DGKQ: variants seen among roughly 807,000 people sequenced by gnomAD.
The protein encoded by DGKQ is diacylglycerol kinase theta.
DGKQ carries 97 observed loss-of-function variants against 104.2 expected under a neutral mutation model. That is an observed-to-expected ratio of 0.93 (90% CI 0.79 to 1.10). The LOEUF (loss-of-function observed/expected upper bound fraction) is 1.10. Among genes scored for constraint, DGKQ ranks in the 50% least tolerant of loss-of-function variants. The probability of loss-of-function intolerance (pLI) is 0.00; values close to 1 mark genes in which losing one functional copy is unlikely to be tolerated. For synonymous variants in DGKQ, 736 were observed against 595.2 expected (o/e 1.24, Z -3.44); for missense variants, 1,465 against 1,352.1 (o/e 1.08, Z -1.31).
intron 22 of DGKQ, 40 bp downstream of exon 22, chr4:961,009 C>A: frequency 6.2e-7 from 1 of 1,605,634 alleles, no homozygotes; most frequent in Non-Finnish European, 8.5e-7. Flanking sequence ...CGGCCCAGCC[C>A]GGCCCACCTC....
In DGKQ at chr4:963,124, T is replaced by C; in HGVS notation, c.1886+15A>G. The stretch of plus-strand genomic sequence containing the variant: ...CCCTGCTGCTGCCCTGGACCAGGGG[T>C]CCTGCTGGACTCACCCGGGAAGAGG... On this transcript the variant is annotated intron_variant, in intron 16 of 22. Coordinates refer to ENST00000273814, the MANE Select transcript of DGKQ (RefSeq NM_001347.4). 6.3e-7 allele frequency: 1 copy of C among 1,586,498 alleles called. No homozygotes were observed. The highest frequency in any genetic ancestry group is 8.6e-7 in the Non-Finnish European group (1 of 1,161,670).
At chr4:967,484 T>G in intron 8 of DGKQ, 65 bp downstream of exon 8, 1 of 1,534,788 alleles carries the variant, frequency 6.5e-7, no homozygotes, top group Non-Finnish European at 8.9e-7. Context: ...CCAGGTCAGG[T>G]GCGCCAGGTG....
In DGKQ at chr4:967,273, G is replaced by A; in HGVS notation, c.1076C>T (p.Ala359Val). 1 of 1,551,268 alleles carries A rather than the reference G, an allele frequency of 6.4e-7. No individual in the cohort carries two copies. Among genetic ancestry groups the A allele is most frequent in the Non-Finnish European group, 8.7e-7 (1 of 1,152,684 alleles). ...RLPPSSQACD[A>V]WAGGKAGSAV... ...ACTCCCAGCCTTGCCCCCAGCCCAGGCGTCACAGGCCTGAGAGGAAGGGGG... is the reference window on the plus strand; with the variant it reads ...ACTCCCAGCCTTGCCCCCAGCCCAGACGTCACAGGCCTGAGAGGAAGGGGG... The change falls in exon 9 of 23, where the codon GCC (alanine) becomes GTC (valine). Residue 359 changes from alanine (A) to valine (V), a missense_variant. Ala to Val is a moderately conservative substitution (Grantham distance 64). Transcript: ENST00000273814.
chr4:967,040 T>C lies in DGKQ; in HGVS notation c.1235A>G (p.Tyr412Cys). ...CTTCGGGGTCACTCGCACGGACACG[T>C]AGGCCACGCCCACCCTGTGGGGACA... ...YPGWLKVGVA[Y>C]VSVRVTPKST... The change falls in exon 10 of 23, where the codon TAC becomes TGC. Residue 412 changes from tyrosine to cysteine, a missense_variant. Transcript: ENST00000273814. The C allele has an allele frequency of 6.4e-7, 1 of 1,559,840 alleles. No individual in the cohort carries two copies. The highest frequency in any genetic ancestry group is 8.7e-7 in the Non-Finnish European group (1 of 1,153,232).
intron 17 of DGKQ, 71 bp downstream of exon 17, chr4:962,701 G>A (rs1711982011): frequency 1.3e-6 from 2 of 1,590,898 alleles, no homozygotes; most frequent in South Asian, 1.1e-5. Context: ...AGCCAGCCCA[G>A]GCCTCGGCAA....
In DGKQ at chr4:966,515, A is replaced by C; in HGVS notation, c.1379T>G (p.Met460Arg). 6.2e-7 allele frequency: 1 copy of C among 1,612,430 alleles called. No homozygotes were observed. ...AMGCRHVQRTMLMDEQPLLDR... is the reference protein window; with the variant it reads ...AMGCRHVQRTRLMDEQPLLDR... ...CAGCAGGGGCTGTTCGTCCATCAGC[A>C]TCGTCCGCTGGACTGCAGAGGTGAG... Residue 460 changes from methionine to arginine, a missense_variant, in exon 12 of 23, where the codon ATG (methionine) becomes AGG (arginine). Transcript: ENST00000273814.
At position 969,309 on chromosome 4, in the gene DGKQ, C is replaced by T. The variant is rs1483358561; in HGVS notation, c.352-399G>A. ...TTCCCTCCTTGGGGCAGGCGAGGCTCTGTCGACGGCCTGGCATCTGTCTCC... is the reference window on the plus strand; with the variant it reads ...TTCCCTCCTTGGGGCAGGCGAGGCTTTGTCGACGGCCTGGCATCTGTCTCC... On this transcript the variant is annotated intron_variant, in intron 2 of 22. Coordinates refer to ENST00000273814, the MANE Select transcript of DGKQ (RefSeq NM_001347.4). Among the ~76,000 whole-genome samples, 5 of 152,222 alleles carry T rather than the reference C, an allele frequency of 3.3e-5. 1 individual carries two copies. In the East Asian group the frequency reaches 9.6e-4, roughly 29 times the overall value.
In DGKQ at chr4:968,277, C is replaced by T. The variant is rs752682388; in HGVS notation, c.663+5G>A. 21 of 1,501,276 alleles carry T rather than the reference C, an allele frequency of 1.4e-5. No homozygotes were observed. The South Asian group carries it at 2.5e-4, about 18-fold the overall frequency. The allele number at this position is 1,501,276 out of a possible 1,614,324, so 93.0% of individuals were successfully genotyped here. On this transcript the variant is annotated splice_donor_5th_base_variant and intron_variant, in intron 5 of 22. Transcript: ENST00000273814. ...CCCCCACCCCCTCGACTTCCCAGCGCCCACCTGGACCCCGCACCACTCGCA... is the reference window on the plus strand; with the variant it reads ...CCCCCACCCCCTCGACTTCCCAGCGTCCACCTGGACCCCGCACCACTCGCA...
Position 960,738 on chromosome 4 carries a change from G to A in DGKQ, c.2728-17C>T, listed in dbSNP as rs1711826547. 3 of 1,610,160 alleles carry A rather than the reference G, an allele frequency of 1.9e-6. No individual in the cohort carries two copies. The highest frequency in any genetic ancestry group is 1.7e-5 in the Admixed American group (1 of 59,946). On this transcript the variant is annotated splice_polypyrimidine_tract_variant and intron_variant, in intron 22 of 22. Transcript: ENST00000273814. ...CATGTGCACCTGTCCCAGGGCAGGG[G>A]ACAGAGGACCAGGGTGACATGGCCG...
At chr4:970,583 C>G (rs1035085842) in intron 2 of DGKQ, among the ~76,000 whole-genome samples, 1 of 152,184 alleles carries the variant, frequency 6.6e-6, no homozygotes, top group African/African-American at 2.4e-5. Context: ...GAACAGACCC[C>G]CTGAAGCCTT....
chr4:964,416 G>A (rs926837815), intron 15 of DGKQ, among the ~76,000 whole-genome samples: 1 of 152,190 alleles, frequency 6.6e-6, no homozygotes, highest in Non-Finnish European at 1.5e-5. Flanking sequence ...ATGGGCTGAG[G>A]ACGAGAGGCC....
intron 3 of DGKQ, 76 bp from the exon 4 acceptor site, chr4:968,640 C>T: frequency 6.9e-7 from 1 of 1,447,162 alleles, no homozygotes; most frequent in South Asian, 1.3e-5. Context: ...GGGTCTGCCC[C>T]ATCCCCACCA....
chr4:965,355 A>C, intron 14 of DGKQ, 64 bp from the exon 15 acceptor site: 3 of 1,577,594 alleles, frequency 1.9e-6, no homozygotes, highest in Non-Finnish European at 2.6e-6. Flanking sequence ...CCAGGGCAGG[A>C]ACCAAACCAG....
In DGKQ at chr4:968,465, G is replaced by A. The variant is rs757927965; in HGVS notation, c.537+14C>T. 1.2e-5 allele frequency: 19 copies of A among 1,601,026 alleles called. No individual in the cohort carries two copies. The African/African-American group carries it at 2.0e-4, about 17-fold the overall frequency. ...GCCCCACCCCCCAGGGCTCCCTGGG[G>A]CCGGTACACTCACGTGATCCTGGTG... On this transcript the variant is annotated intron_variant, in intron 4 of 22. Transcript: ENST00000273814.
At position 962,855 on chromosome 4, in the gene DGKQ, C is replaced by G; in HGVS notation, c.1952G>C (p.Gly651Ala). 6.2e-7 allele frequency: 1 copy of G among 1,608,164 alleles called. No individual in the cohort carries two copies. The highest frequency in any genetic ancestry group is 2.2e-5 in the East Asian group (1 of 44,616). Residue 651 changes from glycine (G) to alanine (A), a missense_variant, in exon 17 of 23, where the codon GGC (glycine) becomes GCC (alanine). Physicochemically the swap from Gly to Ala is moderately conservative, Grantham distance 60. Coordinates refer to ENST00000273814, the MANE Select transcript of DGKQ (RefSeq NM_001347.4). Reference protein sequence around the residue: ...VLVCGGDGTVGWVLGALEETR... With the variant: ...VLVCGGDGTVAWVLGALEETR... ...CTCCTCCAGGGCGCCAAGCACCCAGCCCACAGTGCCATCGCCACCACACAC... is the reference window on the plus strand; with the variant it reads ...CTCCTCCAGGGCGCCAAGCACCCAGGCCACAGTGCCATCGCCACCACACAC...
chr4:962,509 G>A lies in DGKQ; in HGVS notation c.2140C>T (p.Arg714Cys), dbSNP rs776250955. 5.0e-6 allele frequency: 8 copies of A among 1,609,760 alleles called. No individual in the cohort carries two copies. Among genetic ancestry groups the A allele is most frequent in the East Asian group, 2.2e-5 (1 of 44,878 alleles). ...VDEADAVLMD[R>C]WTILLDAHEA... ...TGGGCATCCAGCAGGATGGTCCAGCGGTCCATGAGCACGGCGTCGGCCTCG... is the reference window on the plus strand; with the variant it reads ...TGGGCATCCAGCAGGATGGTCCAGCAGTCCATGAGCACGGCGTCGGCCTCG... Residue 714 changes from arginine to cysteine, a missense_variant, in exon 18 of 23, where the codon CGC becomes TGC. Physicochemically the swap from Arg to Cys is radical, Grantham distance 180. Transcript: ENST00000273814.
intron 5 of DGKQ, 103 bp downstream of exon 5, chr4:968,179 C>T (rs56308193): frequency 1.4e-4 from 44 of 316,090 alleles, no homozygotes; most frequent in Non-Finnish European, 1.3e-4. Flanking sequence ...CTGGAACCCG[C>T]GCCTCTCCTG....
rs757549786 is a variant in DGKQ at position 967,748 on chromosome 4, G to T, written c.866C>A (p.Thr289Lys). 2 of 1,610,816 alleles carry T rather than the reference G, an allele frequency of 1.2e-6. No homozygotes were observed. Among genetic ancestry groups the T allele is most frequent in the Non-Finnish European group, 1.7e-6 (2 of 1,179,070 alleles). ...CTTACCGGACTCCGGAGTTGCCTGT[G>T]TCTCTCTGCCTGGACCCACGGCAGC... ...GSAAVGPGRE[T>K]QATPESGKQT... The change falls in exon 7 of 23, where the codon ACA (threonine) becomes AAA (lysine). Residue 289 changes from threonine (T) to lysine (K), a missense_variant. Thr to Lys is a moderately conservative substitution (Grantham distance 78). Coordinates refer to ENST00000273814, the MANE Select transcript of DGKQ (RefSeq NM_001347.4).
intron 11 of DGKQ, 79 bp downstream of exon 11, chr4:966,669 C>G (rs905456937): frequency 6.6e-7 from 1 of 1,525,326 alleles, no homozygotes; most frequent in African/African-American, 1.4e-5. Flanking sequence ...CCGGCACCAC[C>G]CTGCAGGAAA....
Sources: gnomAD v4.1 joint callset for allele counts (sites outside exome capture counted in the v4.1 genomes callset) on GRCh38, gnomAD v4.1.1 for gene constraint, MANE v1.5 for transcripts, NCBI Gene and HGNC (gene_info 2026-07-23, HGNC 2026-07-21) for gene names.